ATG4A: variants seen among roughly 807,000 people sequenced by gnomAD.
ATG4A encodes cysteine protease ATG4A.
A neutral mutation model predicts 38.4 loss-of-function variants in ATG4A; 22 were observed. That is an observed-to-expected ratio of 0.57 (90% CI 0.41 to 0.82). The LOEUF is 0.82. ATG4A is among the 40% of genes least tolerant of loss of function. The pLI, the probability that ATG4A is intolerant of heterozygous loss-of-function variation, is 0.00. For missense variants in ATG4A, 220 were observed against 290.0 expected (o/e 0.76, Z 1.75); for synonymous variants, 86 against 100.7 (o/e 0.85, Z 0.88).
chrX:108,135,587 ATCGCTGAC>A (rs1395074865), intron 6 of ATG4A, among the ~76,000 whole-genome samples: 2 of 111,666 alleles, frequency 1.8e-5, no homozygotes, highest in Non-Finnish European at 3.8e-5. Context: ...CCTTCTGGGC[ATCGCTGAC>A]TCTGCTGAGT....
upstream of ATG4A, chrX:108,088,969 A>C (rs746075594): frequency 2.4e-5 from 12 of 497,056 alleles, no homozygotes; most frequent in Admixed American, 1.1e-4. Context: ...CTGGATCCTC[A>C]GGTAGGTAAC....
At chrX:108,134,525 T>G in intron 6 of ATG4A, 114 bp downstream of exon 6, 1 of 642,608 alleles carries the variant, frequency 1.6e-6, no homozygotes, top group Non-Finnish European at 2.4e-6. Flanking sequence ...AAGCTACTCC[T>G]CCCACTAAAC....
chrX:108,112,648 G>T (rs900882074), intron 1 of ATG4A, among the ~76,000 whole-genome samples: 2 of 110,755 alleles, frequency 1.8e-5, no homozygotes, highest in African/African-American at 6.6e-5. Context: ...GCCCGCCTCC[G>T]CCTCCCAAAG....
Position 108,137,961 on chromosome X carries a change from A to G in ATG4A, c.705A>G (p.Gln235=). The G allele has an allele frequency of 8.3e-7, 1 of 1,202,689 alleles. No individual in the cohort carries two copies. Among genetic ancestry groups the G allele is most frequent in the Non-Finnish European group, 1.1e-6 (1 of 891,865 alleles). ...TGCCCCTTCGCCTGGGCATAAACCA[A>G]ATCAATCCTGTCTATGTTGATGCAT... The part of the protein sequence containing the change: ...LIVPLRLGIN[Q]INPVYVDAFK... The change falls in exon 8 of 13, where the codon CAA becomes CAG. Residue 235 remains glutamine, a synonymous_variant. Coordinates refer to ENST00000372232, the MANE Select transcript of ATG4A (RefSeq NM_052936.5).
chrX:108,105,172 G>A (rs1189986291), intron 1 of ATG4A, among the ~76,000 whole-genome samples: 2 of 110,795 alleles, frequency 1.8e-5, no homozygotes, highest in Non-Finnish European at 3.8e-5. Context: ...TGTCTCTAAC[G>A]TTTTTGTTGG....
chrX:108,136,334 C>G (rs73251792), intron 6 of ATG4A, among the ~76,000 whole-genome samples: 5,685 of 111,003 alleles, frequency 0.051, 125 homozygotes, highest in East Asian at 0.093. Flanking sequence ...TAAACATGGC[C>G]TTACTTAACT....
intron 1 of ATG4A, among the ~76,000 whole-genome samples, chrX:108,112,242 A>G (rs1191514492): frequency 2.7e-5 from 3 of 111,758 alleles, no homozygotes; most frequent in Non-Finnish European, 5.6e-5. Flanking sequence ...TACTCATTCT[A>G]ATTTTTTTGT....
chrX:108,102,835 T>C (rs769476298), intron 1 of ATG4A, among the ~76,000 whole-genome samples: 44 of 110,557 alleles, frequency 4.0e-4, no homozygotes, highest in African/African-American at 1.1e-3. Context: ...CCTTTTTTTT[T>C]CAAAAACTTT....
intron 2 of ATG4A, chrX:108,126,961 G>T (rs1013376214): frequency 3.4e-6 from 1 of 289,968 alleles, no homozygotes; most frequent in African/African-American, 2.8e-5. Flanking sequence ...TGATGAAAAG[G>T]CAGGAGAGGA....
chrX:108,095,707 C>T (rs770911879), intron 1 of ATG4A, among the ~76,000 whole-genome samples: 1 of 92,227 alleles, frequency 1.1e-5, no homozygotes, highest in African/African-American at 4.2e-5. Flanking sequence ...ATTTTCTTTT[C>T]TTTCTTTTTT....
chrX:108,139,907 G>A (rs973150643), intron 9 of ATG4A, among the ~76,000 whole-genome samples: 2 of 111,271 alleles, frequency 1.8e-5, no homozygotes, highest in African/African-American at 6.6e-5. Flanking sequence ...AAGAGGCAAA[G>A]GAGCTTTCTG....
chrX:108,132,029 G>T (rs1292959747), intron 4 of ATG4A, among the ~76,000 whole-genome samples: 1 of 111,278 alleles, frequency 9.0e-6, no homozygotes, highest in African/African-American at 3.3e-5. Flanking sequence ...CTCCTGAGTA[G>T]CTGGGATTAT....
intron 1 of ATG4A, among the ~76,000 whole-genome samples, chrX:108,100,828 C>T (rs1043533104): frequency 3.6e-5 from 4 of 111,487 alleles, no homozygotes; most frequent in African/African-American, 1.3e-4. Flanking sequence ...TGCTTCTATT[C>T]ATGAATGATA....
intron 1 of ATG4A, among the ~76,000 whole-genome samples, chrX:108,113,284 T>C (rs755182693): frequency 8.3e-4 from 93 of 111,712 alleles, no homozygotes; most frequent in Non-Finnish European, 1.6e-3. Flanking sequence ...CTAGAAAGAA[T>C]AGTTGGTGAC....
intron 3 of ATG4A, among the ~76,000 whole-genome samples, chrX:108,130,503 C>T (rs113523004): frequency 8.9e-6 from 1 of 112,260 alleles, no homozygotes; most frequent in African/African-American, 3.2e-5. Flanking sequence ...AGATACATTT[C>T]TAATTTATTA....
At chrX:108,129,574 T>G (rs956157929) in intron 3 of ATG4A, among the ~76,000 whole-genome samples, 16 of 104,963 alleles carry the variant, frequency 1.5e-4, no homozygotes, top group African/African-American at 5.5e-4. Context: ...TCTTTCTTTT[T>G]TTTTTTTTTT....
At chrX:108,108,652 A>C (rs752949410) in intron 1 of ATG4A, among the ~76,000 whole-genome samples, 6 of 110,915 alleles carry the variant, frequency 5.4e-5, no homozygotes, top group Non-Finnish European at 9.4e-5. Flanking sequence ...GATCGTTTTT[A>C]AGTGTACAAT....
chrX:108,123,172 T>C (rs2032702572), intron 1 of ATG4A, among the ~76,000 whole-genome samples: 1 of 112,019 alleles, frequency 8.9e-6, no homozygotes, highest in Non-Finnish European at 1.9e-5. Flanking sequence ...TAAAGTACAG[T>C]GGAACAGGGT....
upstream of ATG4A, chrX:108,091,538 T>C (rs2031619371): frequency 1.1e-5 from 13 of 1,194,195 alleles, no homozygotes; most frequent in East Asian, 3.6e-4. Context: ...TCCCAGCAAC[T>C]ACTTGTCGCG....
Sources: gnomAD v4.1 joint callset for allele counts (sites outside exome capture counted in the v4.1 genomes callset) on GRCh38, gnomAD v4.1.1 for gene constraint, MANE v1.5 for transcripts, NCBI Gene and HGNC (gene_info 2026-07-23, HGNC 2026-07-21) for gene names.